ENOX1: variants seen among roughly 807,000 people sequenced by gnomAD.
The protein encoded by ENOX1 is ecto-NOX disulfide-thiol exchanger 1.
In ENOX1, 42 loss-of-function variants were observed where a neutral mutation model predicts 82.5. That is an observed-to-expected ratio of 0.51 (90% CI 0.40 to 0.66). The LOEUF (loss-of-function observed/expected upper bound fraction) is 0.66, where lower values mean the gene tolerates loss of function less well. ENOX1 is among the 30% of genes least tolerant of loss of function. ENOX1 has a pLI of 0.00. For missense variants in ENOX1, 608 were observed against 811.6 expected (o/e 0.75, Z 3.05); for synonymous variants, 271 against 282.2 (o/e 0.96, Z 0.40).
chr13:43,596,454 T>A (rs1242152621), intron 2 of ENOX1, among the ~76,000 whole-genome samples: 2 of 152,270 alleles, frequency 1.3e-5, no homozygotes, highest in Non-Finnish European at 2.9e-5. Context: ...ATCCTTCCTC[T>A]TTGCAGCAAT....
At chr13:43,685,822 C>T (rs2086039910) in intron 1 of ENOX1, among the ~76,000 whole-genome samples, 1 of 151,022 alleles carries the variant, frequency 6.6e-6, no homozygotes, top group African/African-American at 2.4e-5. Context: ...CAAATTAGCC[C>T]TCCTCAAGAA....
rs370442272 is a variant in ENOX1, at chr13:43,296,198, C to T, written c.1446+2148G>A. Among the ~76,000 whole-genome samples, 31 of 152,346 alleles carry T rather than the reference C, an allele frequency of 2.0e-4. No individual in the cohort carries two copies. The East Asian group carries it at 4.8e-3, about 24-fold the overall frequency. On this transcript the variant is annotated intron_variant, in intron 12 of 16. Transcript: ENST00000690772. ...ATGTTGAAGTCCTAGCCCCTACTAC[C>T]ACAGAATGTGACCTTATCTGGAAAT... is the stretch of plus-strand genomic sequence containing the variant.
intron 5 of ENOX1, among the ~76,000 whole-genome samples, chr13:43,400,935 G>C (rs2153589743): frequency 6.6e-6 from 1 of 152,294 alleles, no homozygotes; most frequent in Non-Finnish European, 1.5e-5. Flanking sequence ...TAGGCAGATA[G>C]ACCTGGTTAT....
intron 5 of ENOX1, among the ~76,000 whole-genome samples, chr13:43,373,678 A>C (rs1250158453): frequency 3.9e-5 from 6 of 152,220 alleles, no homozygotes; most frequent in African/African-American, 1.4e-4. Flanking sequence ...ACTTCATTAC[A>C]TCCGAGGCCC....
intron 1 of ENOX1, among the ~76,000 whole-genome samples, chr13:43,684,523 A>C (rs993609737): frequency 2.0e-5 from 3 of 152,192 alleles, no homozygotes; most frequent in Admixed American, 1.3e-4. Context: ...AGGGTGATCC[A>C]AAGTCCTTTT....
chr13:43,760,298 G>T (rs940192116), intron 1 of ENOX1, among the ~76,000 whole-genome samples: 1 of 152,112 alleles, frequency 6.6e-6, no homozygotes, highest in African/African-American at 2.4e-5. Flanking sequence ...GCAACATTAG[G>T]TACTGCCCTG....
chr13:43,768,421 G>A (rs1206879504), intron 1 of ENOX1, among the ~76,000 whole-genome samples: 1 of 151,536 alleles, frequency 6.6e-6, no homozygotes, highest in Non-Finnish European at 1.5e-5. Context: ...GGGCAACATA[G>A]TGAGATCCTG....
intron 2 of ENOX1, among the ~76,000 whole-genome samples, chr13:43,666,411 G>A (rs1263852861): frequency 6.6e-6 from 1 of 152,090 alleles, no homozygotes; most frequent in Non-Finnish European, 1.5e-5. Context: ...AGGTCATTAG[G>A]GTGAACCCTA....
intron 2 of ENOX1, among the ~76,000 whole-genome samples, chr13:43,501,660 T>A (rs2076984831): frequency 6.7e-6 from 1 of 150,268 alleles, no homozygotes; most frequent in African/African-American, 2.4e-5. Context: ...AACTATTGGC[T>A]CACAAAAAGA....
chr13:43,409,858 C>T (rs866702837), intron 5 of ENOX1, among the ~76,000 whole-genome samples: 87 of 152,166 alleles, frequency 5.7e-4, no homozygotes, highest in African/African-American at 2.1e-3. Flanking sequence ...GAACCTGACC[C>T]TGAGATTGTA....
chr13:43,365,044 T>A (rs1218952974), intron 5 of ENOX1, among the ~76,000 whole-genome samples: 1 of 152,208 alleles, frequency 6.6e-6, no homozygotes, highest in Non-Finnish European at 1.5e-5. Context: ...AACTTTGCTC[T>A]CCCTGGAACT....
At chr13:43,582,715 A>G (rs2080802574) in intron 2 of ENOX1, among the ~76,000 whole-genome samples, 1 of 152,120 alleles carries the variant, frequency 6.6e-6, no homozygotes, top group Admixed American at 6.5e-5. Context: ...CTGGAACTAC[A>G]GGCGCACACC....
chr13:43,601,267 A>G (rs2081707632), intron 2 of ENOX1, among the ~76,000 whole-genome samples: 2 of 152,168 alleles, frequency 1.3e-5, no homozygotes, highest in African/African-American at 4.8e-5. Context: ...TGATTTAAGG[A>G]AAGTCAATGA....
chr13:43,356,517 T>G lies in ENOX1; in HGVS notation c.590-365A>C, dbSNP rs1474314805. ...AGAAACAAATTTGGCATGGAGCATT[T>G]TTTTTCTCTACCTTTTTATGGCCTT... On this transcript the variant is annotated intron_variant, in intron 7 of 16. Transcript: ENST00000690772. 2.0e-5 allele frequency among the ~76,000 whole-genome samples: 3 copies of G among 152,300 alleles called. No individual in the cohort carries two copies. In the East Asian group the frequency reaches 5.8e-4, roughly 29 times the overall value.
chr13:43,226,929 G>A (rs1369437592), intron 15 of ENOX1, among the ~76,000 whole-genome samples: 1 of 151,420 alleles, frequency 6.6e-6, no homozygotes, highest in Non-Finnish European at 1.5e-5. Context: ...TGGAGAAAGA[G>A]GGCATAAGAC....
At chr13:43,298,587 G>A in intron 11 of ENOX1, 57 bp from the exon 12 acceptor site, 1 of 1,484,774 alleles carries the variant, frequency 6.7e-7, no homozygotes, top group Non-Finnish European at 9.1e-7. Context: ...GCTTGAGGAG[G>A]CCTTCTGTGG....
chr13:43,601,217 G>T (rs1229059617), intron 2 of ENOX1, among the ~76,000 whole-genome samples: 1 of 152,096 alleles, frequency 6.6e-6, no homozygotes, highest in African/African-American at 2.4e-5. Flanking sequence ...CCAGGGGAGA[G>T]AGAGCTATGT....
At chr13:43,298,741 A>G (rs541733294) in intron 11 of ENOX1, among the ~76,000 whole-genome samples, 1 of 152,302 alleles carries the variant, frequency 6.6e-6, no homozygotes, top group Admixed American at 6.5e-5. Flanking sequence ...CCTGTCTTAC[A>G]TGTGAATGTT....
intron 2 of ENOX1, among the ~76,000 whole-genome samples, chr13:43,485,155 G>A (rs77932215): frequency 0.015 from 2,359 of 152,270 alleles, 55 homozygotes; most frequent in African/African-American, 0.053. Flanking sequence ...GTGACAAAGC[G>A]AGGGCTCTAG....
Sources: gnomAD v4.1 joint callset for allele counts (sites outside exome capture counted in the v4.1 genomes callset) on GRCh38, gnomAD v4.1.1 for gene constraint, MANE v1.5 for transcripts, NCBI Gene and HGNC (gene_info 2026-07-23, HGNC 2026-07-21) for gene names.